The following ZCCHC14 variants were observed in gnomAD, a reference collection of about 807,000 sequenced individuals.
ZCCHC14 encodes the protein zinc finger CCHC domain-containing protein 14.
A neutral mutation model predicts 85.0 loss-of-function variants in ZCCHC14; 16 were observed. The observed-to-expected ratio is 0.19, with a 90% CI of 0.13 to 0.29. ZCCHC14 has a LOEUF of 0.29. Ranked by LOEUF, ZCCHC14 falls within the 10% of genes least tolerant of loss-of-function variation. The pLI is 1.00. For synonymous variants in ZCCHC14, 775 were observed against 630.7 expected (o/e 1.23, Z -3.43); for missense variants, 1,303 against 1,443.5 (o/e 0.90, Z 1.58).
intron 3 of ZCCHC14, among the ~76,000 whole-genome samples, chr16:87,432,273 G>C (rs1270974163): frequency 1.3e-5 from 2 of 152,130 alleles, no homozygotes; most frequent in African/African-American, 2.4e-5. Flanking sequence ...CTGGGAGCTC[G>C]GCACCATCAG....
chr16:87,432,930 C>T (rs1462238195), intron 3 of ZCCHC14, among the ~76,000 whole-genome samples, 198 bp downstream of exon 3: 1 of 143,424 alleles, frequency 7.0e-6, no homozygotes, highest in Non-Finnish European at 1.5e-5. Flanking sequence ...CCCCACCCTT[C>T]CCGCCTGCAG....
At chr16:87,454,474 C>A (rs1597433367) in intron 2 of ZCCHC14, among the ~76,000 whole-genome samples, 1 of 152,208 alleles carries the variant, frequency 6.6e-6, no homozygotes, top group East Asian at 1.9e-4. Context: ...CAGAATATAG[C>A]AAAATGACAT....
intron 1 of ZCCHC14, among the ~76,000 whole-genome samples, chr16:87,487,722 G>C (rs1261166290): frequency 6.6e-6 from 1 of 152,268 alleles, no homozygotes; most frequent in East Asian, 1.9e-4. Flanking sequence ...AAGCAAGCAT[G>C]TGAAGCAACT....
intron 12 of ZCCHC14, among the ~76,000 whole-genome samples, chr16:87,411,149 A>C (rs1908413370): frequency 6.6e-6 from 1 of 152,196 alleles, no homozygotes; most frequent in South Asian, 2.1e-4. Flanking sequence ...CCCACCCCAG[A>C]GGGTCCGGAA....
chr16:87,450,016 C>T (rs1327286829), intron 2 of ZCCHC14, among the ~76,000 whole-genome samples: 1 of 152,204 alleles, frequency 6.6e-6, no homozygotes, highest in African/African-American at 2.4e-5. Flanking sequence ...CACTGCACTG[C>T]AGCCTGGGCA....
At chr16:87,430,874 T>G (rs1191578686) in intron 3 of ZCCHC14, among the ~76,000 whole-genome samples, 1 of 152,078 alleles carries the variant, frequency 6.6e-6, no homozygotes, top group Non-Finnish European at 1.5e-5. Flanking sequence ...CCAGGTGCAC[T>G]CATGCCTGTA....
chr16:87,468,151 T>C (rs1361121317), intron 1 of ZCCHC14, among the ~76,000 whole-genome samples: 1 of 152,204 alleles, frequency 6.6e-6, no homozygotes, highest in Non-Finnish European at 1.5e-5. Context: ...TCTCTAAAGA[T>C]TCATGTGTTT....
intron 1 of ZCCHC14, among the ~76,000 whole-genome samples, chr16:87,476,140 G>A (rs539378874): frequency 7.9e-5 from 12 of 152,272 alleles, no homozygotes; most frequent in Admixed American, 3.3e-4. Context: ...TCAATAGCAC[G>A]GGTGAAAGCA....
At chr16:87,438,739 G>A (rs1024357892) in intron 2 of ZCCHC14, among the ~76,000 whole-genome samples, 6 of 152,130 alleles carry the variant, frequency 3.9e-5, no homozygotes, top group Non-Finnish European at 8.8e-5. Flanking sequence ...CACTGCCCCC[G>A]GTCTTCCTCC....
chr16:87,464,757 T>C (rs1398992207), intron 1 of ZCCHC14, among the ~76,000 whole-genome samples: 5 of 152,354 alleles, frequency 3.3e-5, no homozygotes, highest in African/African-American at 9.6e-5. Context: ...TTGTTTACAT[T>C]GAAAGCTGTC....
chr16:87,467,504 T>C (rs1212148932), intron 1 of ZCCHC14: 2 of 1,606,330 alleles, frequency 1.2e-6, no homozygotes, highest in Non-Finnish European at 8.5e-7. Context: ...ATGACATGAA[T>C]ACAGCATCCC....
Position 87,408,919 on chromosome 16 carries a change from CTT to C in ZCCHC14, c.*1359_*1360del, listed in dbSNP as rs1451392647. The C allele has an allele frequency of 6.6e-6, 1 of 152,640 alleles. No homozygotes were observed. Among genetic ancestry groups the C allele is most frequent in the Non-Finnish European group, 1.5e-5 (1 of 68,036 alleles). The allele number at this position is 152,640 out of a possible 1,614,324, so 9.5% of individuals were successfully genotyped here. A position where few individuals can be genotyped will look rare whatever the true frequency, so the allele number is the denominator to read the frequency against. The stretch of plus-strand genomic sequence containing the variant: ...CCAATCAGTATTTTAACATTGAAGA[CTT>C]TAGCATTTTCGATAAGAGTATTATT... On this transcript the variant is annotated 3_prime_UTR_variant, in exon 13 of 13. Transcript: ENST00000671377.
At chr16:87,487,561 C>G (rs1184122771) in intron 1 of ZCCHC14, among the ~76,000 whole-genome samples, 1 of 152,242 alleles carries the variant, frequency 6.6e-6, no homozygotes, top group African/African-American at 2.4e-5. Context: ...GCACACGGCA[C>G]CTAGCAATCC....
chr16:87,459,902 C>A, intron 2 of ZCCHC14, 106 bp downstream of exon 2: 1 of 1,504,596 alleles, frequency 6.6e-7, no homozygotes, highest in Non-Finnish European at 9.0e-7. Flanking sequence ...ATAAGATTGG[C>A]ATTTATGAAA....
chr16:87,446,696 T>C (rs926499287), intron 2 of ZCCHC14, among the ~76,000 whole-genome samples: 3 of 152,062 alleles, frequency 2.0e-5, no homozygotes, highest in African/African-American at 7.2e-5. Flanking sequence ...AAACTGACTT[T>C]CTTTTTTTTT....
chr16:87,435,915 G>A (rs1909899407), intron 2 of ZCCHC14, among the ~76,000 whole-genome samples: 1 of 152,240 alleles, frequency 6.6e-6, no homozygotes, highest in Non-Finnish European at 1.5e-5. Context: ...GACTTCCTCA[G>A]TCAGACTGTC....
At chr16:87,415,577 G>A (rs997034944) in intron 8 of ZCCHC14, among the ~76,000 whole-genome samples, 3 of 152,192 alleles carry the variant, frequency 2.0e-5, no homozygotes, top group African/African-American at 7.2e-5. Context: ...ACGCAGTTCT[G>A]AGCAAGAGTG....
At chr16:87,437,885 T>C (rs1910005432) in intron 2 of ZCCHC14, among the ~76,000 whole-genome samples, 1 of 152,226 alleles carries the variant, frequency 6.6e-6, no homozygotes, top group African/African-American at 2.4e-5. Flanking sequence ...AATGGTGATG[T>C]CCAAAGTCAG....
chr16:87,418,119 A>G (rs1908891650), intron 7 of ZCCHC14, among the ~76,000 whole-genome samples: 1 of 152,120 alleles, frequency 6.6e-6, no homozygotes, highest in African/African-American at 2.4e-5. Flanking sequence ...TGTTACTTGT[A>G]TTTTTTAAAA....
Sources: gnomAD v4.1 joint callset for allele counts (sites outside exome capture counted in the v4.1 genomes callset) on GRCh38, gnomAD v4.1.1 for gene constraint, MANE v1.5 for transcripts, NCBI Gene and HGNC (gene_info 2026-07-23, HGNC 2026-07-21) for gene names.